The following MYO1B variants were observed in gnomAD, a reference collection of about 807,000 sequenced individuals.
The protein encoded by MYO1B is myosin IB.
Under a neutral mutation model 159.7 loss-of-function variants are expected in MYO1B, and 72 were observed. The ratio of observed to expected loss-of-function variants is 0.45; its 90% CI spans 0.37 to 0.55. The LOEUF (loss-of-function observed/expected upper bound fraction) is 0.55, where lower values mean the gene tolerates loss of function less well. Ranked by LOEUF, MYO1B falls within the 20% of genes least tolerant of loss-of-function variation. The pLI, the probability that MYO1B is intolerant of heterozygous loss-of-function variation, is 0.00. For synonymous variants in MYO1B, 468 were observed against 473.8 expected (o/e 0.99, Z 0.16); for missense variants, 1,062 against 1,364.8 (o/e 0.78, Z 3.50).
chr2:191,344,211 A>G (rs748374503), intron 5 of MYO1B, among the ~76,000 whole-genome samples: 21 of 152,216 alleles, frequency 1.4e-4, no homozygotes, highest in Non-Finnish European at 2.8e-4. Flanking sequence ...TAGCCTGTGA[A>G]AACACAAGAA....
intron 3 of MYO1B, among the ~76,000 whole-genome samples, chr2:191,306,103 T>C (rs1689635731): frequency 6.6e-6 from 1 of 152,018 alleles, no homozygotes; most frequent in South Asian, 2.1e-4. Context: ...TTTTAAATGG[T>C]GACAAGTGCT....
intron 24 of MYO1B, among the ~76,000 whole-genome samples, chr2:191,405,197 C>T (rs1696844520): frequency 6.6e-6 from 1 of 152,184 alleles, no homozygotes. Flanking sequence ...TTTGGTCATC[C>T]ATAAGAAGCA....
chr2:191,326,677 GA>G (rs946732715), intron 3 of MYO1B, among the ~76,000 whole-genome samples: 11 of 151,226 alleles, frequency 7.3e-5, no homozygotes, highest in African/African-American at 1.9e-4. Context: ...GGATAGAGAA[GA>G]AAAAAATAAG....
chr2:191,364,053 T>C (rs1693845020), intron 10 of MYO1B, 105 bp from the exon 11 acceptor site: 3 of 1,195,540 alleles, frequency 2.5e-6, no homozygotes, highest in Non-Finnish European at 3.7e-6. Flanking sequence ...CATTTTATAC[T>C]GATCTGTTTG....
rs5837229 is a variant in MYO1B at position 191,315,157 on chromosome 2, GTCCATCCA to G, written c.252-14749_252-14742del. On this transcript the variant is annotated intron_variant, in intron 3 of 30. Coordinates refer to ENST00000392318, the MANE Select transcript of MYO1B (RefSeq NM_001130158.3). ...CCCCTTATCCTCCCACCGTCCGTCC[GTCCATCCA>G]TCCATCCATCCATCCATCCATCCAT... 6.1e-3 allele frequency among the ~76,000 whole-genome samples: 916 copies of G among 150,042 alleles called. 6 individuals carry two copies. The highest frequency in any genetic ancestry group is 9.7e-3 in the Non-Finnish European group (655 of 67,476).
chr2:191,382,079 T>C (rs2126073312), intron 14 of MYO1B, among the ~76,000 whole-genome samples: 1 of 152,298 alleles, frequency 6.6e-6, no homozygotes, highest in African/African-American at 2.4e-5. Flanking sequence ...CAGAGTCTTT[T>C]CATCATTAAT....
intron 27 of MYO1B, among the ~76,000 whole-genome samples, chr2:191,413,493 A>T (rs563996165): frequency 2.0e-5 from 3 of 152,214 alleles, no homozygotes; most frequent in South Asian, 2.1e-4. Flanking sequence ...CCACAGTTAC[A>T]TGTTAATATT....
chr2:191,299,581 G>C (rs754313553), intron 3 of MYO1B, among the ~76,000 whole-genome samples: 1 of 152,174 alleles, frequency 6.6e-6, no homozygotes, highest in Non-Finnish European at 1.5e-5. Flanking sequence ...CACTTGTTCC[G>C]TACTAAGGCT....
At chr2:191,353,455 C>A (rs528144368) in intron 7 of MYO1B, among the ~76,000 whole-genome samples, 2 of 152,172 alleles carry the variant, frequency 1.3e-5, no homozygotes, top group Non-Finnish European at 2.9e-5. Flanking sequence ...GAGAAATATA[C>A]GCTATGAAGA....
At chr2:191,309,664 A>G (rs1288777831) in intron 3 of MYO1B, among the ~76,000 whole-genome samples, 3 of 152,130 alleles carry the variant, frequency 2.0e-5, no homozygotes, top group Non-Finnish European at 4.4e-5. Flanking sequence ...CTTCTTGAAC[A>G]TGCCACTGTC....
intron 3 of MYO1B, among the ~76,000 whole-genome samples, chr2:191,308,836 C>T (rs1257588526): frequency 1.3e-5 from 2 of 152,176 alleles, no homozygotes; most frequent in Admixed American, 6.5e-5. Context: ...CAACATTTGA[C>T]AACATGACCA....
At position 191,416,224 on chromosome 2, in the gene MYO1B, A is replaced by G. The variant is rs769052951; in HGVS notation, c.3269A>G (p.Asn1090Ser). The G allele has an allele frequency of 9.9e-6, 16 of 1,614,056 alleles. No homozygotes were observed. The highest frequency in any genetic ancestry group is 6.7e-5 in the East Asian group (3 of 44,880). Residue 1090 changes from asparagine to serine, a missense_variant, in exon 30 of 31, where the codon AAT becomes AGT. By Grantham distance (46) the Asn-to-Ser change is conservative (BLOSUM62 1). Coordinates refer to ENST00000392318, the MANE Select transcript of MYO1B (RefSeq NM_001130158.3). The stretch of plus-strand genomic sequence containing the variant: ...CTCAGCCAAACCAAACAGAAGCTCA[A>G]TATTGAGATTTCCGATGAGTACGTT... ...TTLSQTKQKL[N>S]IEISDEFLVQ...
At chr2:191,285,140 C>G (rs1280897461) in intron 2 of MYO1B, among the ~76,000 whole-genome samples, 2 of 152,054 alleles carry the variant, frequency 1.3e-5, no homozygotes, top group African/African-American at 2.4e-5. Flanking sequence ...ACCACAGGAC[C>G]ATGCTGTTAA....
chr2:191,245,809 G>A (rs1685748355), intron 1 of MYO1B, 183 bp downstream of exon 1: 10 of 152,130 alleles, frequency 6.6e-5, no homozygotes, highest in Admixed American at 6.5e-4. Flanking sequence ...AACGGCGCAC[G>A]CTGTAGGTTG....
At chr2:191,421,196 A>G (rs1474016276) in intron 30 of MYO1B, among the ~76,000 whole-genome samples, 1 of 151,494 alleles carries the variant, frequency 6.6e-6, no homozygotes, top group Non-Finnish European at 1.5e-5. Flanking sequence ...CAGTTCCCCG[A>G]GTAGCTGAGG....
intron 3 of MYO1B, among the ~76,000 whole-genome samples, chr2:191,322,412 A>C (rs1431358248): frequency 6.6e-6 from 1 of 152,150 alleles, no homozygotes; most frequent in Non-Finnish European, 1.5e-5. Context: ...TGGCTTCTGC[A>C]ATCCACCTTT....
At chr2:191,407,108 T>C (rs949254641) in intron 24 of MYO1B, among the ~76,000 whole-genome samples, 1 of 152,220 alleles carries the variant, frequency 6.6e-6, no homozygotes, top group Non-Finnish European at 1.5e-5. Flanking sequence ...TCAGTGTTGC[T>C]AGATCTTAGA....
chr2:191,381,889 T>A (rs972389882), intron 14 of MYO1B, among the ~76,000 whole-genome samples: 1 of 152,180 alleles, frequency 6.6e-6, no homozygotes, highest in African/African-American at 2.4e-5. Context: ...AGCATCACTG[T>A]AAGTAGATTT....
intron 3 of MYO1B, among the ~76,000 whole-genome samples, chr2:191,307,551 G>A (rs35495506): frequency 0.36 from 54,219 of 151,728 alleles, 10,160 homozygotes; most frequent in Middle Eastern, 0.52. Flanking sequence ...ATTTTATCGC[G>A]CCCCTATTCA....
Sources: gnomAD v4.1 joint callset for allele counts (sites outside exome capture counted in the v4.1 genomes callset) on GRCh38, gnomAD v4.1.1 for gene constraint, MANE v1.5 for transcripts, NCBI Gene and HGNC (gene_info 2026-07-23, HGNC 2026-07-21) for gene names.